TSPAN16: variants seen among roughly 807,000 people sequenced by gnomAD.
TSPAN16 encodes the protein tetraspanin 16.
A neutral mutation model predicts 25.2 loss-of-function variants in TSPAN16; 23 were observed. The ratio of observed to expected loss-of-function variants is 0.91; its 90% CI spans 0.66 to 1.29. TSPAN16 has a LOEUF of 1.29. TSPAN16 is among the 50% of genes most tolerant of loss of function. The pLI, the probability that TSPAN16 is intolerant of heterozygous loss-of-function variation, is 0.00. For synonymous variants in TSPAN16, 123 were observed against 124.4 expected (o/e 0.99, Z 0.08); for missense variants, 272 against 299.9 (o/e 0.91, Z 0.69).
intron 6 of TSPAN16, 91 bp downstream of exon 6, chr19:11,312,313 GAACAA>G: frequency 7.4e-6 from 3 of 408,054 alleles, no homozygotes; most frequent in Non-Finnish European, 1.1e-5. Context: ...ACACAGGAGT[GAACAA>G]AACTAAAAAA....
In TSPAN16 at chr19:11,312,211, G is replaced by C. The variant is rs1044213996; in HGVS notation, c.676G>C (p.Ala226Pro). 3 of 1,611,220 alleles carry C rather than the reference G, an allele frequency of 1.9e-6. No individual in the cohort carries two copies. Among genetic ancestry groups the C allele is most frequent in the Non-Finnish European group, 2.5e-6 (3 of 1,178,914 alleles). The change falls in exon 6 of 7, where the codon GCA becomes CCA. Residue 226 changes from alanine (A) to proline (P), a missense_variant. Physicochemically the swap from Ala to Pro is conservative, Grantham distance 27 (BLOSUM62 -1). Coordinates refer to ENST00000590327, the MANE Select transcript of TSPAN16 (RefSeq NM_001282509.2). ...CCTGAGTGGGAGCTCTCTGGGAGCT[G>C]CAGTGATACAGGTAAGACCCAGCCT... ...FTLSGSSLGAAVIQLPGILAT... is the reference protein window; with the variant it reads ...FTLSGSSLGAPVIQLPGILAT...
intron 4 of TSPAN16, among the ~76,000 whole-genome samples, chr19:11,303,576 T>TAAAAAA (rs2080592260): frequency 4.0e-5 from 3 of 74,538 alleles, no homozygotes; most frequent in Admixed American, 1.5e-4. Context: ...AATAAATAAA[T>TAAAAAA]TAAAAAAAAA....
intron 6 of TSPAN16, among the ~76,000 whole-genome samples, chr19:11,312,648 C>A (rs1472891566): frequency 1.3e-5 from 2 of 151,798 alleles, no homozygotes; most frequent in Admixed American, 6.6e-5. Flanking sequence ...GCTTGTAGTC[C>A]CAGCTACTTG....
chr19:11,322,225 G>A (rs1389500048), intron 6 of TSPAN16: 1 of 152,104 alleles, frequency 6.6e-6, no homozygotes, highest in Non-Finnish European at 1.5e-5. Context: ...GGAGGAGCCG[G>A]TAGCAGAATT....
chr19:11,300,883 A>G (rs1360391694), intron 3 of TSPAN16: 1 of 205,646 alleles, frequency 4.9e-6, no homozygotes, highest in African/African-American at 2.3e-5. Flanking sequence ...CAATTCTTTA[A>G]TGGAGTTACA....
intron 5 of TSPAN16, among the ~76,000 whole-genome samples, chr19:11,310,105 GA>G (rs922991417): frequency 7.5e-4 from 108 of 143,846 alleles, no homozygotes; most frequent in African/African-American, 2.1e-3. Context: ...CCCAATCTAA[GA>G]AAAAAAAAAA....
chr19:11,316,089 GT>G, downstream of TSPAN16: 4 of 273,354 alleles, frequency 1.5e-5, no homozygotes, highest in East Asian at 3.1e-4. Flanking sequence ...TATTCTTGGT[GT>G]GTGTGTGTGT....
chr19:11,326,815 G>A, exon 7 of TSPAN16: 1 of 687,040 alleles, frequency 1.5e-6, no homozygotes, highest in South Asian at 1.5e-5. Context: ...TCGCTATGTT[G>A]CGCAGGCTGG....
chr19:11,318,704 T>A (rs2080761513), downstream of TSPAN16, among the ~76,000 whole-genome samples: 1 of 152,094 alleles, frequency 6.6e-6, no homozygotes, highest in South Asian at 2.1e-4. Context: ...TGGAGTGCAG[T>A]GGCACGATCT....
downstream of TSPAN16, among the ~76,000 whole-genome samples, chr19:11,319,963 C>T (rs564234348): frequency 6.0e-5 from 9 of 149,318 alleles, no homozygotes; most frequent in South Asian, 1.9e-3. Context: ...TACAGGCGCC[C>T]GCCACCACGC....
intron 5 of TSPAN16, among the ~76,000 whole-genome samples, chr19:11,308,570 A>G (rs2080655538): frequency 2.0e-5 from 3 of 151,552 alleles, no homozygotes; most frequent in African/African-American, 7.3e-5. Flanking sequence ...TCCCAGGTTC[A>G]TGCCATTCTC....
At chr19:11,310,200 C>T (rs1242978494) in intron 5 of TSPAN16, among the ~76,000 whole-genome samples, 6 of 151,836 alleles carry the variant, frequency 4.0e-5, no homozygotes, top group Non-Finnish European at 1.5e-5. Flanking sequence ...GTGCCAGGGG[C>T]CTAGAAGAGG....
intron 4 of TSPAN16, 85 bp from the exon 5 acceptor site, chr19:11,306,519 C>T: frequency 6.6e-7 from 1 of 1,507,100 alleles, no homozygotes; most frequent in Non-Finnish European, 9.2e-7. Flanking sequence ...TGTGACCATA[C>T]TAGACGGTAG....
chr19:11,318,904 C>T (rs1207898366), downstream of TSPAN16, among the ~76,000 whole-genome samples: 1 of 152,196 alleles, frequency 6.6e-6, no homozygotes, highest in Non-Finnish European at 1.5e-5. Context: ...ACCTCAGCCT[C>T]CCAAAGTGCT....
chr19:11,312,037 T>A, intron 5 of TSPAN16, 102 bp from the exon 6 acceptor site: 1 of 834,428 alleles, frequency 1.2e-6, no homozygotes, highest in South Asian at 1.6e-5. Context: ...CCTCAAAGAA[T>A]CTGAGAGTCG....
At chr19:11,314,561 C>G (rs1167247913) in intron 6 of TSPAN16, among the ~76,000 whole-genome samples, 1 of 152,036 alleles carries the variant, frequency 6.6e-6, no homozygotes, top group East Asian at 1.9e-4. Context: ...TGAATATGTA[C>G]TTGTAAACTA....
intron 1 of TSPAN16, among the ~76,000 whole-genome samples, chr19:11,297,259 C>T (rs114493181): frequency 0.015 from 2,204 of 151,988 alleles, 40 homozygotes; most frequent in African/African-American, 0.049. Flanking sequence ...GCCAGGAGCT[C>T]GAGACCAGCT....
exon 7 of TSPAN16, chr19:11,326,875 G>T: frequency 1.6e-6 from 1 of 608,750 alleles, no homozygotes; most frequent in Non-Finnish European, 2.9e-6. Flanking sequence ...CTCCCAAAGT[G>T]CTGGGTTTAC....
chr19:11,325,426 G>GGGGGGGGC, intron 6 of TSPAN16: 1 of 825,490 alleles, frequency 1.2e-6, no homozygotes, highest in Non-Finnish European at 1.8e-6. Context: ...GGGCTGGGGG[G>GGGGGGGGC]CTGGAGCATC....
Sources: allele counts gnomAD v4.1 joint callset (sites outside exome capture counted in the v4.1 genomes callset), GRCh38; gene constraint gnomAD v4.1.1; transcripts MANE v1.5; gene names NCBI Gene and HGNC (gene_info 2026-07-23, HGNC 2026-07-21).